The following IL1RAPL2 variants were observed in gnomAD, a reference collection of about 807,000 sequenced individuals.
The protein encoded by IL1RAPL2 is X-linked interleukin-1 receptor accessory protein-like 2.
IL1RAPL2 carries 3 observed loss-of-function variants against 44.1 expected under a neutral mutation model. That is an observed-to-expected ratio of 0.07 (90% CI 0.03 to 0.18). IL1RAPL2 has a LOEUF of 0.18. Ranked by LOEUF, IL1RAPL2 falls within the 10% of genes least tolerant of loss-of-function variation. The probability of loss-of-function intolerance (pLI) is 1.00; values close to 1 mark genes in which losing one functional copy is unlikely to be tolerated. For missense variants in IL1RAPL2, 391 were observed against 496.4 expected (o/e 0.79, Z 2.02); for synonymous variants, 181 against 178.8 (o/e 1.01, Z -0.10).
chrX:105,008,733 A>G (rs140177878), intron 2 of IL1RAPL2, among the ~76,000 whole-genome samples: 2,471 of 111,845 alleles, frequency 0.022, 68 homozygotes, highest in African/African-American at 0.076. Flanking sequence ...AATGGCAACA[A>G]AAGCCAAAAT....
intron 2 of IL1RAPL2, among the ~76,000 whole-genome samples, chrX:105,069,212 G>A (rs941986673): frequency 1.8e-5 from 2 of 112,761 alleles, no homozygotes; most frequent in African/African-American, 6.4e-5. Context: ...AGTGGGCAGT[G>A]GCAAATCAGA....
At chrX:104,945,862 T>A (rs1268439396) in intron 2 of IL1RAPL2, among the ~76,000 whole-genome samples, 2 of 111,037 alleles carry the variant, frequency 1.8e-5, no homozygotes, top group Non-Finnish European at 3.8e-5. Flanking sequence ...TATATAGACC[T>A]TTTTTGAACT....
chrX:105,485,483 A>C (rs2036259412), intron 6 of IL1RAPL2, among the ~76,000 whole-genome samples: 1 of 110,869 alleles, frequency 9.0e-6, no homozygotes, highest in South Asian at 3.8e-4. Flanking sequence ...TATTTTAGTT[A>C]TTTTAAGATG....
chrX:105,304,487 A>G (rs1736869), intron 5 of IL1RAPL2, among the ~76,000 whole-genome samples: 7,458 of 112,086 alleles, frequency 0.067, 251 homozygotes, highest in South Asian at 0.15. Context: ...TAGTTAAACA[A>G]AAGTCTTAAA....
chrX:104,880,246 A>C (rs1420949456), intron 2 of IL1RAPL2, among the ~76,000 whole-genome samples: 1 of 111,203 alleles, frequency 9.0e-6, no homozygotes, highest in Non-Finnish European at 1.9e-5. Flanking sequence ...AGAGTAAGCT[A>C]GTAAAATTCT....
chrX:104,665,852 G>A (rs964769597), intron 2 of IL1RAPL2, among the ~76,000 whole-genome samples: 1 of 111,276 alleles, frequency 9.0e-6, no homozygotes, highest in African/African-American at 3.3e-5. Flanking sequence ...ATGCTGCGAG[G>A]AGTGCCCTAT....
chrX:105,377,147 T>C (rs1304499396), intron 5 of IL1RAPL2, among the ~76,000 whole-genome samples: 2 of 111,698 alleles, frequency 1.8e-5, no homozygotes, highest in Non-Finnish European at 3.8e-5. Context: ...CTATACATTT[T>C]TTCTTTTACA....
intron 6 of IL1RAPL2, among the ~76,000 whole-genome samples, chrX:105,576,096 T>G (rs182047923): frequency 1.8e-5 from 2 of 111,616 alleles, no homozygotes; most frequent in East Asian, 5.6e-4. Flanking sequence ...TTGCAAATAT[T>G]TTATCTTATA....
chrX:105,080,616 T>G (rs1381720095), intron 2 of IL1RAPL2, among the ~76,000 whole-genome samples: 1 of 112,090 alleles, frequency 8.9e-6, no homozygotes, highest in Non-Finnish European at 1.9e-5. Flanking sequence ...TTTTGGTTAC[T>G]GTAGCCTTGT....
intron 2 of IL1RAPL2, among the ~76,000 whole-genome samples, chrX:104,851,808 G>C (rs1203156676): frequency 1.8e-5 from 2 of 111,745 alleles, no homozygotes; most frequent in Non-Finnish European, 3.8e-5. Context: ...CAACATGACA[G>C]AGAAGGTCAA....
intron 6 of IL1RAPL2, among the ~76,000 whole-genome samples, chrX:105,584,210 C>T (rs1174387735): frequency 9.0e-6 from 1 of 111,456 alleles, no homozygotes; most frequent in African/African-American, 3.3e-5. Flanking sequence ...TGTGAAATCT[C>T]CATCTGAAAT....
intron 2 of IL1RAPL2, among the ~76,000 whole-genome samples, chrX:105,073,840 T>C (rs2032246624): frequency 8.9e-6 from 1 of 112,010 alleles, no homozygotes; most frequent in Non-Finnish European, 1.9e-5. Flanking sequence ...AAATGTCTTC[T>C]TTTGAGAAGT....
At chrX:105,528,001 T>G (rs759996784) in intron 6 of IL1RAPL2, among the ~76,000 whole-genome samples, 1 of 112,213 alleles carries the variant, frequency 8.9e-6, no homozygotes, top group African/African-American at 3.2e-5. Flanking sequence ...TTGCTAATGA[T>G]AGCCTGCAAG....
At chrX:105,144,392 C>G (rs1602976818) in intron 2 of IL1RAPL2, among the ~76,000 whole-genome samples, 1 of 111,074 alleles carries the variant, frequency 9.0e-6, no homozygotes, top group South Asian at 3.8e-4. Flanking sequence ...TGGGCCAAGA[C>G]ATTTTGTTCT....
At chrX:104,799,624 A>G (rs1932872473) in intron 2 of IL1RAPL2, among the ~76,000 whole-genome samples, 1 of 112,107 alleles carries the variant, frequency 8.9e-6, no homozygotes, top group South Asian at 3.7e-4. Flanking sequence ...ACAGAACTAA[A>G]TGTTTCCATT....
intron 9 of IL1RAPL2, among the ~76,000 whole-genome samples, 193 bp from the exon 10 acceptor site, chrX:105,754,984 C>T (rs1243374013): frequency 8.9e-6 from 1 of 111,915 alleles, no homozygotes; most frequent in East Asian, 2.8e-4. Context: ...CTATAGGTGG[C>T]CCATTGCATA....
At chrX:104,848,920 TGA>T (rs904580583) in intron 2 of IL1RAPL2, among the ~76,000 whole-genome samples, 13 of 111,311 alleles carry the variant, frequency 1.2e-4, no homozygotes, top group African/African-American at 4.2e-4. Flanking sequence ...AGATAATTAA[TGA>T]GTGTTTAATA....
rs61247728 is a variant in IL1RAPL2, at chrX:104,729,322, C to A, written c.82+70327C>A. ...TAGAAGGCTAGTAGGGCTTGATCATCGTCCCAACTATTGGTTGGAGGGTTG... is the reference window on the plus strand; with the variant it reads ...TAGAAGGCTAGTAGGGCTTGATCATAGTCCCAACTATTGGTTGGAGGGTTG... On this transcript the variant is annotated intron_variant, in intron 2 of 10. Transcript: ENST00000372582. Among the ~76,000 whole-genome samples, 709 of 110,352 alleles carry A rather than the reference C, an allele frequency of 6.4e-3. 3 individuals are homozygous for A. The highest frequency in any genetic ancestry group is 0.022 in the African/African-American group (674 of 30,440).
chrX:104,742,464 G>A (rs1441854457), intron 2 of IL1RAPL2, among the ~76,000 whole-genome samples: 2 of 111,494 alleles, frequency 1.8e-5, no homozygotes, highest in Non-Finnish European at 3.8e-5. Context: ...CAAGGGTGAG[G>A]CTCTCAGTCT....
Sources: allele counts gnomAD v4.1 joint callset (sites outside exome capture counted in the v4.1 genomes callset), GRCh38; gene constraint gnomAD v4.1.1; transcripts MANE v1.5; gene names NCBI Gene and HGNC (gene_info 2026-07-23, HGNC 2026-07-21).